OTOP1: variants seen among roughly 807,000 people sequenced by gnomAD.
The protein encoded by OTOP1 is proton channel OTOP1.
OTOP1 carries 59 observed loss-of-function variants against 52.9 expected under a neutral mutation model. The observed-to-expected ratio is 1.12, with a 90% CI of 0.91 to 1.39. The LOEUF is 1.39. OTOP1 is among the 40% of genes most tolerant of loss of function. The pLI is 0.00. For missense variants in OTOP1, 761 were observed against 800.9 expected, an observed-to-expected ratio of 0.95 and a Z score of 0.60; for synonymous variants, 317 against 337.7, an observed-to-expected ratio of 0.94 and a Z score of 0.67.
intron 2 of OTOP1, among the ~76,000 whole-genome samples, chr4:4,209,060 C>T (rs1248054307): frequency 6.6e-6 from 1 of 152,308 alleles, no homozygotes; most frequent in African/African-American, 2.4e-5. Flanking sequence ...ATCTTACCTG[C>T]TTTACTGCAG....
intron 1 of OTOP1, among the ~76,000 whole-genome samples, chr4:4,221,043 C>CTATTTTATTT (rs144687423): frequency 0.029 from 3,751 of 129,444 alleles, 105 homozygotes; most frequent in African/African-American, 0.06. Flanking sequence ...TTATTTTATT[C>CTATTTTATTT]TATTTTATTT....
At chr4:4,215,674 A>G (rs140294859) in intron 1 of OTOP1, among the ~76,000 whole-genome samples, 2 of 137,778 alleles carry the variant, frequency 1.5e-5, no homozygotes, top group Non-Finnish European at 3.1e-5. Context: ...AAATATATAT[A>G]TTAATATGAA....
chr4:4,223,532 T>G (rs1717348742), intron 1 of OTOP1, among the ~76,000 whole-genome samples: 3 of 152,016 alleles, frequency 2.0e-5, no homozygotes, highest in Admixed American at 2.0e-4. Flanking sequence ...GGAAGAGCAT[T>G]TCTTGGATAA....
intron 1 of OTOP1, among the ~76,000 whole-genome samples, chr4:4,216,210 G>C (rs1263968922): frequency 6.6e-6 from 1 of 152,110 alleles, no homozygotes; most frequent in Non-Finnish European, 1.5e-5. Context: ...AATATAATGA[G>C]CATGGTTTTG....
Position 4,212,880 on chromosome 4 carries a change from A to G in OTOP1, c.528T>C (p.His176=). 1.2e-6 allele frequency: 2 copies of G among 1,614,092 alleles called. No homozygotes were observed. Among genetic ancestry groups the G allele is most frequent in the Non-Finnish European group, 1.7e-6 (2 of 1,179,922 alleles). ...ATCAGTGGTTTACCTGCAACAAAGT[A>G]TGCACTGAATGGGTGACTGGGAAAA... ...EGVFPVTHSV[H]TLLQVYFLWG... Residue 176 remains histidine (H), a synonymous_variant, in exon 2 of 6, where the codon CAT becomes CAC. Transcript: ENST00000296358.
rs1327560648 is a variant in OTOP1 at position 4,203,462 on chromosome 4, C to CAG, written c.600-886_600-885dup. On this transcript the variant is annotated intron_variant, in intron 3 of 5. Coordinates refer to ENST00000296358, the MANE Select transcript of OTOP1 (RefSeq NM_177998.3). Reference sequence around the variant, plus strand: ...GGGGGTTTGCAGAGTCGGTAAGGAGCAGAGGTCTTCCAGTCTGACTCCAGA... The same window carrying CAG: ...GGGGGTTTGCAGAGTCGGTAAGGAGCAGAGAGGTCTTCCAGTCTGACTCCAGA... 2.0e-5 allele frequency among the ~76,000 whole-genome samples: 3 copies of CAG among 152,296 alleles called. No individual in the cohort carries two copies. The East Asian group carries it at 5.8e-4, about 29-fold the overall frequency.
intron 5 of OTOP1, among the ~76,000 whole-genome samples, chr4:4,192,307 C>A (rs1166004414): frequency 1.3e-5 from 2 of 152,262 alleles, no homozygotes; most frequent in African/African-American, 4.8e-5. Flanking sequence ...GCCACCCCCA[C>A]CCAAGGCACC....
intron 1 of OTOP1, among the ~76,000 whole-genome samples, chr4:4,215,928 C>A (rs978307466): frequency 3.3e-5 from 5 of 151,886 alleles, no homozygotes; most frequent in Non-Finnish European, 5.9e-5. Context: ...ATCCCAAGTA[C>A]CTGGGATTAC....
chr4:4,222,682 T>C (rs1235742709), intron 1 of OTOP1, among the ~76,000 whole-genome samples: 1 of 152,214 alleles, frequency 6.6e-6, no homozygotes, highest in Admixed American at 6.5e-5. Context: ...GAATGGATCT[T>C]GGGGATCACT....
chr4:4,226,873 C>T lies in OTOP1; in HGVS notation c.-9G>A. On this transcript the variant is annotated 5_prime_UTR_variant, in exon 1 of 6. Transcript: ENST00000296358. Reference sequence around the variant, plus strand: ...CCCAGGCCCTCGAGCATCTTCGAGACACCCGCGCCAAGTCTGGTCCCGGGG... The same window carrying T: ...CCCAGGCCCTCGAGCATCTTCGAGATACCCGCGCCAAGTCTGGTCCCGGGG... 7.6e-7 allele frequency: 1 copy of T among 1,320,096 alleles called. No individual in the cohort carries two copies. Among genetic ancestry groups the T allele is most frequent in the Middle Eastern group, 2.9e-4 (1 of 3,484 alleles). 81.8% of individuals were successfully genotyped at this position (1,320,096 alleles called of 1,614,324 possible).
chr4:4,226,753 A>T lies in OTOP1; in HGVS notation c.112T>A (p.Ser38Thr). The change falls in exon 1 of 6, where the codon TCC becomes ACC. Residue 38 changes from serine (S) to threonine (T), a missense_variant. Coordinates refer to ENST00000296358, the MANE Select transcript of OTOP1 (RefSeq NM_177998.3). ...CSPPSSSAPR[S>T]PESPAPRRGG... The stretch of plus-strand genomic sequence containing the variant: ...CGCCGGGGGGCCGGGGATTCCGGGG[A>T]CCTCGGGGCCGAGGACGAGGGAGGC... 3 of 1,384,566 alleles carry T rather than the reference A, an allele frequency of 2.2e-6. No individual in the cohort carries two copies. The South Asian group carries it at 4.9e-5, about 23-fold the overall frequency. The allele number at this position is 1,384,566 out of a possible 1,614,324, so 85.8% of individuals were successfully genotyped here.
intron 2 of OTOP1, among the ~76,000 whole-genome samples, chr4:4,210,810 G>A (rs1217724181): frequency 2.6e-5 from 4 of 152,022 alleles, no homozygotes; most frequent in South Asian, 2.1e-4. Flanking sequence ...CAGCCTGGGC[G>A]ACAAGCAAAA....
chr4:4,191,386 A>T (rs143916990), intron 5 of OTOP1, among the ~76,000 whole-genome samples: 2 of 152,110 alleles, frequency 1.3e-5, no homozygotes, highest in Non-Finnish European at 2.9e-5. Context: ...CCCTACCTTG[A>T]TCAAACCCCC....
chr4:4,216,568 C>T (rs1404375239), intron 1 of OTOP1, among the ~76,000 whole-genome samples: 2 of 152,220 alleles, frequency 1.3e-5, no homozygotes, highest in African/African-American at 4.8e-5. Context: ...TGGCGCTTTT[C>T]CACTGCTCAA....
At chr4:4,199,407 T>C (rs554164901) in intron 4 of OTOP1, among the ~76,000 whole-genome samples, 1 of 152,112 alleles carries the variant, frequency 6.6e-6, no homozygotes, top group South Asian at 2.1e-4. Context: ...TTGGGGGTTT[T>C]TTTGTTTTGT....
At chr4:4,219,737 G>A (rs1717235162) in intron 1 of OTOP1, among the ~76,000 whole-genome samples, 1 of 149,510 alleles carries the variant, frequency 6.7e-6, no homozygotes, top group Non-Finnish European at 1.5e-5. Context: ...AGATATAACA[G>A]CCACATGTGT....
At chr4:4,202,652 T>C (rs1025731668) in intron 3 of OTOP1, 74 bp from the exon 4 acceptor site, 14 of 1,563,174 alleles carry the variant, frequency 9.0e-6, no homozygotes, top group Non-Finnish European at 1.1e-5. Flanking sequence ...GACAGACGTG[T>C]GCACACAAAT....
chr4:4,199,245 A>T (rs149416316), intron 4 of OTOP1, among the ~76,000 whole-genome samples: 9,607 of 62,516 alleles, frequency 0.15, 1,497 homozygotes, highest in African/African-American at 0.25. Flanking sequence ...AGAGAGAGAG[A>T]GAGAGAGAGA....
At chr4:4,213,619 T>C (rs1717071524) in intron 1 of OTOP1, among the ~76,000 whole-genome samples, 1 of 152,230 alleles carries the variant, frequency 6.6e-6, no homozygotes, top group African/African-American at 2.4e-5. Context: ...TCATGGCTCA[T>C]CCATACTGTA....
Sources: gnomAD v4.1 joint callset for allele counts (sites outside exome capture counted in the v4.1 genomes callset) on GRCh38, gnomAD v4.1.1 for gene constraint, MANE v1.5 for transcripts, NCBI Gene and HGNC (gene_info 2026-07-23, HGNC 2026-07-21) for gene names.